The following F8 variants were observed in gnomAD, a reference collection of about 807,000 sequenced individuals.
F8 encodes antihemophilic factor.
F8 carries 12 observed loss-of-function variants against 140.6 expected under a neutral mutation model. The observed-to-expected ratio is 0.09, with a 90% CI of 0.05 to 0.14. F8 has a LOEUF of 0.14. F8 is among the 10% of genes least tolerant of loss of function. The pLI is 1.00. For synonymous variants in F8, 585 were observed against 614.6 expected (o/e 0.95, Z 0.71); for missense variants, 1,354 against 1,720.7 (o/e 0.79, Z 3.77).
At chrX:154,955,997 A>C (rs1569559806) in intron 11 of F8, among the ~76,000 whole-genome samples, 1 of 111,996 alleles carries the variant, frequency 8.9e-6, no homozygotes, top group African/African-American at 3.3e-5. Flanking sequence ...CTTCAACTGC[A>C]TAAGATAAAC....
chrX:154,854,306 G>T (rs782608123), intron 25 of F8, among the ~76,000 whole-genome samples: 20 of 112,410 alleles, frequency 1.8e-4, no homozygotes, highest in Middle Eastern at 4.6e-3. Flanking sequence ...GTTCTCCCCA[G>T]TGTGGGTAGA....
rs782797370 is a variant in F8 at position 154,929,608 on chromosome X, C to T, written c.4182G>A (p.Thr1394=). 50 of 1,209,210 alleles carry T rather than the reference C, an allele frequency of 4.1e-5. No homozygotes were observed. The highest frequency in any genetic ancestry group is 5.1e-5 in the Non-Finnish European group (46 of 894,777). The change falls in exon 14 of 26, where the codon ACG becomes ACA. Residue 1394 remains threonine, a synonymous_variant. Transcript: ENST00000360256. ...ITQSPLSDCL[T]RSHSIPQANR... is the part of the protein sequence containing the mutation. Reference sequence around the variant, plus strand: ...TTGCTTGAGGGATGCTATGACTCCTCGTAAGGCAATCTGATAAGGGAGACT... The same window carrying T: ...TTGCTTGAGGGATGCTATGACTCCTTGTAAGGCAATCTGATAAGGGAGACT...
At position 154,837,606 on chromosome X, in the gene F8, G is replaced by A; in HGVS notation, c.7047C>T (p.Asp2349=). 8.3e-7 allele frequency: 1 copy of A among 1,197,958 alleles called. No individual in the cohort carries two copies. The highest frequency in any genetic ancestry group is 3.0e-5 in the East Asian group (1 of 33,316). ...RMEVLGCEAQ[D]LY is the part of the protein sequence containing the mutation. ...GCTGCAGTGGCCACCCTCAGTAGAGGTCCTGTGCCTCGCAGCCCAGAACCT... is the reference window on the plus strand; with the variant it reads ...GCTGCAGTGGCCACCCTCAGTAGAGATCCTGTGCCTCGCAGCCCAGAACCT... The change falls in exon 26 of 26, where the codon GAC becomes GAT. Residue 2349 remains aspartate (D), a synonymous_variant. Transcript: ENST00000360256.
chrX:154,915,018 G>A (rs1423165673), intron 14 of F8, among the ~76,000 whole-genome samples: 1 of 111,976 alleles, frequency 8.9e-6, no homozygotes, highest in African/African-American at 3.3e-5. Context: ...TCACAGTTCC[G>A]CATTGCTGGG....
At chrX:154,947,008 G>A (rs782237941) in intron 13 of F8, among the ~76,000 whole-genome samples, 35 of 110,244 alleles carry the variant, frequency 3.2e-4, no homozygotes, top group Admixed American at 8.7e-4. Flanking sequence ...GGTGGATCAC[G>A]AGGTCAGGAA....
rs1557278788 is a variant in F8, at chrX:154,931,125, C to G, written c.2665G>C (p.Glu889Gln). 8.3e-7 allele frequency: 1 copy of G among 1,210,542 alleles called. No individual in the cohort carries two copies. The highest frequency in any genetic ancestry group is 1.8e-5 in the South Asian group (1 of 56,584). ...NEKLGTTAAT[E>Q]LKKLDFKVSS... is the part of the protein sequence containing the mutation. ...ACTTTGAAATCAAGTTTCTTCAACTCTGTTGCTGCAGTTGTCCCCAGTTTC... is the reference window on the plus strand; with the variant it reads ...ACTTTGAAATCAAGTTTCTTCAACTGTGTTGCTGCAGTTGTCCCCAGTTTC... The change falls in exon 14 of 26, where the codon GAG (glutamate) becomes CAG (glutamine). Residue 889 changes from glutamate (E) to glutamine (Q), a missense_variant. Coordinates refer to ENST00000360256, the MANE Select transcript of F8 (RefSeq NM_000132.4).
At chrX:154,925,739 T>C (rs2073156887) in intron 14 of F8, among the ~76,000 whole-genome samples, 1 of 112,972 alleles carries the variant, frequency 8.9e-6, no homozygotes, top group Non-Finnish European at 1.9e-5. Flanking sequence ...CCATTGTATC[T>C]AGGAAGTAAC....
intron 23 of F8, among the ~76,000 whole-genome samples, chrX:154,862,596 T>G (rs1450326644): frequency 9.0e-6 from 1 of 110,960 alleles, no homozygotes; most frequent in Non-Finnish European, 1.9e-5. Flanking sequence ...TGTGTCCATG[T>G]GCATTTAATG....
intron 14 of F8, among the ~76,000 whole-genome samples, chrX:154,915,998 A>G (rs1297970014): frequency 8.9e-6 from 1 of 111,974 alleles, no homozygotes; most frequent in Non-Finnish European, 1.9e-5. Context: ...AAATTTGTTG[A>G]GAGTTTTTAT....
chrX:154,896,419 T>C (rs1439087265), intron 21 of F8, among the ~76,000 whole-genome samples, 187 bp from the exon 22 acceptor site: 2 of 110,178 alleles, frequency 1.8e-5, no homozygotes, highest in Non-Finnish European at 3.8e-5. Context: ...GGATACACAG[T>C]AGAAATGAAT....
At chrX:154,847,729 G>T (rs187128048) in intron 25 of F8, among the ~76,000 whole-genome samples, 1 of 111,995 alleles carries the variant, frequency 8.9e-6, no homozygotes, top group Non-Finnish European at 1.9e-5. Context: ...TGATGGGTTC[G>T]AACTTCCTCC....
intron 14 of F8, among the ~76,000 whole-genome samples, chrX:154,914,511 C>T (rs186647454): frequency 7.1e-5 from 8 of 112,179 alleles, no homozygotes; most frequent in South Asian, 3.7e-4. Context: ...ATTTCTTCTG[C>T]CAGATACCCC....
intron 22 of F8, among the ~76,000 whole-genome samples, chrX:154,868,019 T>C (rs934468958): frequency 8.9e-6 from 1 of 112,130 alleles, no homozygotes; most frequent in Admixed American, 9.4e-5. Flanking sequence ...TTCAGCAAGA[T>C]AGATACAGAA....
chrX:154,982,508 T>G (rs1398847327), intron 6 of F8, among the ~76,000 whole-genome samples: 2 of 108,883 alleles, frequency 1.8e-5, no homozygotes, highest in Non-Finnish European at 3.8e-5. Context: ...CATATACATG[T>G]TGATACTAGA....
intron 1 of F8, among the ~76,000 whole-genome samples, chrX:155,004,393 T>TAA (rs1457079968): frequency 8.9e-6 from 1 of 112,182 alleles, no homozygotes; most frequent in Non-Finnish European, 1.9e-5. Context: ...ACAGAATGAA[T>TAA]AAATGAAAAG....
At chrX:155,018,023 C>T (rs2073743337) in intron 1 of F8, among the ~76,000 whole-genome samples, 1 of 107,170 alleles carries the variant, frequency 9.3e-6, no homozygotes, top group Admixed American at 1.0e-4. Context: ...CACCACCATG[C>T]CCAGCTAATT....
chrX:154,855,341 T>G (rs904559278), intron 25 of F8, among the ~76,000 whole-genome samples: 13 of 111,570 alleles, frequency 1.2e-4, no homozygotes, highest in Admixed American at 4.8e-4. Context: ...GCTGCATAAA[T>G]GACTTGACAG....
At chrX:155,012,912 C>T (rs62619844) in intron 1 of F8, among the ~76,000 whole-genome samples, 19 of 109,517 alleles carry the variant, frequency 1.7e-4, no homozygotes, top group Non-Finnish European at 2.3e-4. Flanking sequence ...TTTGGGAGGC[C>T]GAGGTGGGCG....
intron 6 of F8, among the ~76,000 whole-genome samples, chrX:154,970,586 C>T (rs781836816): frequency 7.2e-5 from 8 of 111,501 alleles, no homozygotes; most frequent in East Asian, 2.8e-4. Context: ...TTGTAGTATC[C>T]GCCAGCCTAA....
Sources: gnomAD v4.1 joint callset for allele counts (sites outside exome capture counted in the v4.1 genomes callset) on GRCh38, gnomAD v4.1.1 for gene constraint, MANE v1.5 for transcripts, NCBI Gene and HGNC (gene_info 2026-07-23, HGNC 2026-07-21) for gene names.